The following NF1 variants were observed in gnomAD, a reference collection of about 807,000 sequenced individuals.
NF1 encodes the protein neurofibromin.
A neutral mutation model predicts 325.7 loss-of-function variants in NF1; 122 were observed. The ratio of observed to expected loss-of-function variants is 0.37; its 90% confidence interval spans 0.32 to 0.44. The LOEUF is 0.44. Among genes scored for constraint, NF1 ranks in the 20% least tolerant of loss-of-function variants. The pLI, the probability that NF1 is intolerant of heterozygous loss-of-function variation, is 1.00. For synonymous variants in NF1, 1,091 were observed against 1,186.0 expected (o/e 0.92, Z 1.65); for missense variants, 2,140 against 3,415.4 (o/e 0.63, Z 9.31).
chr17:31,343,270 CGTG>C lies in NF1; in HGVS notation c.7189+140_7189+142del, dbSNP rs145221709. 2.7e-3 allele frequency: 2,269 copies of C among 848,536 alleles called. 27 individuals are homozygous for C. The highest frequency in any genetic ancestry group is 0.027 in the African/African-American group (1,580 of 59,442). 52.6% of individuals were successfully genotyped at this position (848,536 alleles called of 1,614,324 possible). A position where few individuals can be genotyped will look rare whatever the true frequency, so the allele number is the denominator to read the frequency against. ...TACTTTAAATGCAAACTAGGCCAGG[CGTG>C]GTGGCTCACGTCTGTAATACCAACA... is the stretch of plus-strand genomic sequence containing the variant. On this transcript the variant is annotated intron_variant, in intron 48 of 57. Transcript: ENST00000358273.
Position 31,357,046 on chromosome 17 carries a change from G to C in NF1, c.7825G>C (p.Val2609Leu), listed in dbSNP as rs786203848. 1.2e-6 allele frequency: 2 copies of C among 1,613,924 alleles called. No homozygotes were observed. The highest frequency in any genetic ancestry group is 1.7e-6 in the Non-Finnish European group (2 of 1,179,948). Residue 2609 changes from valine (V) to leucine (L), a missense_variant, in exon 53 of 58, where the codon GTA (valine) becomes CTA (leucine). By Grantham distance (32) the Val-to-Leu change is conservative. Coordinates refer to ENST00000358273, the MANE Select transcript of NF1 (RefSeq NM_001042492.3). Reference protein sequence around the residue: ...SESNVLLDEEVLTDPKIQALL... With the variant: ...SESNVLLDEELLTDPKIQALL... ...ATCAAATGTTCTCTTGGATGAAGAA[G>C]TACTTACTGATCCGAAGATCCAGGC...
At chr17:31,180,840 G>C (rs1033210033) in intron 5 of NF1, among the ~76,000 whole-genome samples, 6 of 152,142 alleles carry the variant, frequency 3.9e-5, no homozygotes, top group African/African-American at 1.4e-4. Flanking sequence ...TGTATGTTTA[G>C]AAAACCCCAT....
At chr17:31,255,264 G>A (rs2067563237) in intron 31 of NF1, among the ~76,000 whole-genome samples, 2 of 152,010 alleles carry the variant, frequency 1.3e-5, no homozygotes, top group Non-Finnish European at 2.9e-5. Context: ...GGTACATTTG[G>A]CTGATAACTG....
At chr17:31,183,907 C>G (rs906492500) in intron 8 of NF1, among the ~76,000 whole-genome samples, 4 of 152,174 alleles carry the variant, frequency 2.6e-5, no homozygotes, top group African/African-American at 9.7e-5. Context: ...CTTCTTGCCT[C>G]TTAGCCTGCA....
intron 1 of NF1, among the ~76,000 whole-genome samples, chr17:31,105,914 ATTAAT>A (rs1385525015): frequency 6.6e-6 from 1 of 152,220 alleles, no homozygotes; most frequent in African/African-American, 2.4e-5. Flanking sequence ...GAGGCATGAA[ATTAAT>A]TTAGTAAATA....
chr17:31,352,660 A>AT (rs2070180215), intron 51 of NF1, among the ~76,000 whole-genome samples: 1 of 152,072 alleles, frequency 6.6e-6, no homozygotes, highest in South Asian at 2.1e-4. Context: ...GACTCTCCTT[A>AT]TTTTGTTTTG....
At chr17:31,335,477 A>G (rs1368771727) in intron 40 of NF1, among the ~76,000 whole-genome samples, 1 of 150,346 alleles carries the variant, frequency 6.7e-6, no homozygotes, top group East Asian at 2.0e-4. Flanking sequence ...AGTTCTACAT[A>G]AGAATGCCAA....
chr17:31,302,499 A>G (rs1721756168), intron 36 of NF1, among the ~76,000 whole-genome samples: 1 of 152,210 alleles, frequency 6.6e-6, no homozygotes, highest in Admixed American at 6.5e-5. Flanking sequence ...AAAAAGAATA[A>G]TAGGAAATTC....
chr17:31,304,485 T>G, intron 36 of NF1: 1 of 1,614,100 alleles, frequency 6.2e-7, no homozygotes, highest in Admixed American at 1.7e-5. Context: ...AGTCCAGAGA[T>G]GGAGGGAGAC....
At chr17:31,270,274 C>CA (rs2037591280) in intron 36 of NF1, among the ~76,000 whole-genome samples, 1 of 152,098 alleles carries the variant, frequency 6.6e-6, no homozygotes, top group South Asian at 2.1e-4. Context: ...TTTGGCTTGC[C>CA]AGGAGCATAT....
At chr17:31,100,551 T>C (rs1912226255) in intron 1 of NF1, among the ~76,000 whole-genome samples, 1 of 151,974 alleles carries the variant, frequency 6.6e-6, no homozygotes, top group African/African-American at 2.4e-5. Context: ...AATTTATTAT[T>C]ATTGTTATTT....
intron 36 of NF1, among the ~76,000 whole-genome samples, chr17:31,319,788 G>A (rs2069132594): frequency 6.7e-6 from 1 of 149,886 alleles, no homozygotes; most frequent in African/African-American, 2.4e-5. Flanking sequence ...TTTCCTCTGA[G>A]TAGACTTAAA....
chr17:31,205,452 A>G (rs1375469821), intron 11 of NF1, among the ~76,000 whole-genome samples: 1 of 152,204 alleles, frequency 6.6e-6, no homozygotes, highest in Non-Finnish European at 1.5e-5. Context: ...GACTTTAAAG[A>G]TATAGTGATT....
intron 35 of NF1, 91 bp from the exon 36 acceptor site, chr17:31,265,138 T>C: frequency 6.5e-6 from 6 of 917,010 alleles, no homozygotes; most frequent in Non-Finnish European, 6.8e-6. Flanking sequence ...TTTTTCATTT[T>C]AGTATTTTAT....
intron 36 of NF1, among the ~76,000 whole-genome samples, chr17:31,283,948 A>G (rs1306729707): frequency 1.3e-5 from 2 of 152,256 alleles, no homozygotes; most frequent in African/African-American, 2.4e-5. Context: ...AATCCACATT[A>G]CTTGGGTGTT....
At chr17:31,250,049 G>A in intron 30 of NF1, 1 of 496,138 alleles carries the variant, frequency 2.0e-6, no homozygotes, top group Non-Finnish European at 4.0e-6. Context: ...AGCTGTTTGA[G>A]GCTGCTCTAT....
intron 36 of NF1, among the ~76,000 whole-genome samples, chr17:31,285,277 T>TA (rs36047376): frequency 0.023 from 2,818 of 120,842 alleles, 73 homozygotes; most frequent in African/African-American, 0.058. Flanking sequence ...AGATTCTGTT[T>TA]AAAAAAAAAA....
intron 54 of NF1, 119 bp from the exon 55 acceptor site, chr17:31,358,361 A>T: frequency 1.4e-5 from 14 of 968,222 alleles, no homozygotes; most frequent in Non-Finnish European, 1.9e-5. Flanking sequence ...AGTAAAAAGC[A>T]CTCATCTCCC....
chr17:31,216,807 A>G (rs1190685758), intron 13 of NF1, among the ~76,000 whole-genome samples: 1 of 152,004 alleles, frequency 6.6e-6, no homozygotes, highest in African/African-American at 2.4e-5. Flanking sequence ...TCTATTCATG[A>G]TGGTCTTCCT....
Sources: gnomAD v4.1 joint callset for allele counts (sites outside exome capture counted in the v4.1 genomes callset) on GRCh38, gnomAD v4.1.1 for gene constraint, MANE v1.5 for transcripts, NCBI Gene and HGNC (gene_info 2026-07-23, HGNC 2026-07-21) for gene names.